OSBPL1A: variants seen among roughly 807,000 people sequenced by gnomAD.
OSBPL1A encodes oxysterol binding protein like 1A, also known as oxysterol-binding protein-related protein 1.
Under a neutral mutation model 137.1 loss-of-function variants are expected in OSBPL1A, and 80 were observed. That is an observed-to-expected ratio of 0.58 (90% confidence interval 0.49 to 0.70). The LOEUF (loss-of-function observed/expected upper bound fraction) is 0.70. Ranked by LOEUF, OSBPL1A falls within the 30% of genes least tolerant of loss-of-function variation. OSBPL1A has a pLI of 0.00. For synonymous variants in OSBPL1A, 365 were observed against 389.7 expected (o/e 0.94, Z 0.75); for missense variants, 970 against 1,129.4 (o/e 0.86, Z 2.02).
intron 15 of OSBPL1A, among the ~76,000 whole-genome samples, chr18:24,251,117 A>C (rs2089076634): frequency 6.6e-6 from 1 of 152,182 alleles, no homozygotes; most frequent in African/African-American, 2.4e-5. Context: ...CAAATTTCTA[A>C]GGTTTTTGAT....
At chr18:24,242,234 T>C (rs1258358266) in intron 15 of OSBPL1A, among the ~76,000 whole-genome samples, 1 of 151,354 alleles carries the variant, frequency 6.6e-6, no homozygotes, top group Non-Finnish European at 1.5e-5. Context: ...ATGGCACATA[T>C]ATATATATGC....
At chr18:24,199,051 G>A (rs1869435147) in intron 17 of OSBPL1A, among the ~76,000 whole-genome samples, 2 of 151,932 alleles carry the variant, frequency 1.3e-5, no homozygotes, top group South Asian at 4.2e-4. Flanking sequence ...TAAAGATAGG[G>A]TTTCACCATG....
chr18:24,304,196 T>C (rs751658349), intron 13 of OSBPL1A, among the ~76,000 whole-genome samples: 1 of 152,220 alleles, frequency 6.6e-6, no homozygotes, highest in Non-Finnish European at 1.5e-5. Flanking sequence ...TCTAAGTGCA[T>C]ACAGCCCCCA....
intron 11 of OSBPL1A, among the ~76,000 whole-genome samples, chr18:24,315,185 G>A (rs973703310): frequency 6.6e-6 from 1 of 152,158 alleles, no homozygotes; most frequent in African/African-American, 2.4e-5. Flanking sequence ...TTGCACCTGG[G>A]ACTAAGCACA....
rs566704462 is a variant in OSBPL1A, at chr18:24,224,030, C to T, written c.1601+1012G>A. Among the ~76,000 whole-genome samples, 13 of 152,260 alleles carry T rather than the reference C, an allele frequency of 8.5e-5. No individual in the cohort carries two copies. In the South Asian group the frequency reaches 2.7e-3, roughly 32 times the overall value. ...CGGGAAAGACACTCACTGCTGGACACATAATTTGCAATTATAAGCATGTTT... is the reference window on the plus strand; with the variant it reads ...CGGGAAAGACACTCACTGCTGGACATATAATTTGCAATTATAAGCATGTTT... On this transcript the variant is annotated intron_variant, in intron 17 of 27. Coordinates refer to ENST00000319481, the MANE Select transcript of OSBPL1A (RefSeq NM_080597.4).
intron 11 of OSBPL1A, among the ~76,000 whole-genome samples, chr18:24,316,260 CA>C (rs1322010033): frequency 6.6e-6 from 1 of 151,426 alleles, no homozygotes; most frequent in African/African-American, 2.4e-5. Context: ...GATTCCATCT[CA>C]AAAAAACAGA....
chr18:24,388,464 G>T (rs866829351), intron 1 of OSBPL1A, among the ~76,000 whole-genome samples: 7 of 149,496 alleles, frequency 4.7e-5, no homozygotes, highest in Non-Finnish European at 7.4e-5. Context: ...AAAATTAACA[G>T]TTTTTTTTTT....
In OSBPL1A at chr18:24,204,371, G is replaced by A. The variant is rs146677258; in HGVS notation, c.1602-8171C>T. 6.5e-3 allele frequency among the ~76,000 whole-genome samples: 993 copies of A among 152,114 alleles called. 8 individuals carry two copies. The highest frequency in any genetic ancestry group is 0.023 in the African/African-American group (953 of 41,492). On this transcript the variant is annotated intron_variant, in intron 17 of 27. Transcript: ENST00000319481. ...GCCTATTTATAACATCTATACCGCT[G>A]GATTTTTTTGTTATTTAGTAAGAAT...
intron 7 of OSBPL1A, among the ~76,000 whole-genome samples, chr18:24,329,321 G>A (rs2091034867): frequency 6.6e-6 from 1 of 151,978 alleles, no homozygotes; most frequent in Admixed American, 6.6e-5. Flanking sequence ...AGGCTGAGGC[G>A]GGCGGGTCAC....
At chr18:24,315,762 T>C (rs1233248766) in intron 11 of OSBPL1A, among the ~76,000 whole-genome samples, 5 of 119,542 alleles carry the variant, frequency 4.2e-5, no homozygotes, top group Non-Finnish European at 8.1e-5. Flanking sequence ...TAATATATAG[T>C]ATATATTATA....
Position 24,281,263 on chromosome 18 carries a change from T to A in OSBPL1A, c.1175-315A>T, listed in dbSNP as rs576168310. Among the ~76,000 whole-genome samples the A allele has an allele frequency of 2.0e-5, 3 of 152,022 alleles. No homozygotes were observed. The South Asian group carries it at 6.3e-4, about 32-fold the overall frequency. The stretch of plus-strand genomic sequence containing the variant: ...ACCACGCCCAGCTAATTTTTGTATT[T>A]TTAGTAGAGACGGGGATTCACCATA... On this transcript the variant is annotated intron_variant, in intron 14 of 27. Transcript: ENST00000319481.
At chr18:24,273,723 TATA>T (rs1172536388) in intron 15 of OSBPL1A, among the ~76,000 whole-genome samples, 2 of 152,196 alleles carry the variant, frequency 1.3e-5, no homozygotes, top group African/African-American at 4.8e-5. Context: ...TTTGTGAATA[TATA>T]ATGATACAAT....
At chr18:24,212,490 C>T (rs962311017) in intron 17 of OSBPL1A, among the ~76,000 whole-genome samples, 6 of 152,158 alleles carry the variant, frequency 3.9e-5, no homozygotes, top group Non-Finnish European at 8.8e-5. Flanking sequence ...ACATACTCAT[C>T]TTTAGTAGTT....
At chr18:24,250,170 G>GT (rs1567975444) in intron 15 of OSBPL1A, among the ~76,000 whole-genome samples, 2 of 51,144 alleles carry the variant, frequency 3.9e-5, no homozygotes, top group Non-Finnish European at 8.6e-5. Context: ...TTGTTTGTTT[G>GT]TTTGTTTGTT....
At chr18:24,294,775 C>T (rs1317261192) in intron 14 of OSBPL1A, among the ~76,000 whole-genome samples, 1 of 152,134 alleles carries the variant, frequency 6.6e-6, no homozygotes. Flanking sequence ...AGTAGTATTC[C>T]ATGTTGTATA....
chr18:24,285,231 C>G (rs1354979056), intron 14 of OSBPL1A, among the ~76,000 whole-genome samples: 1 of 152,142 alleles, frequency 6.6e-6, no homozygotes, highest in South Asian at 2.1e-4. Context: ...AAACACCAAG[C>G]TTTGCCAAAA....
At chr18:24,252,132 G>GA (rs1218915209) in intron 15 of OSBPL1A, among the ~76,000 whole-genome samples, 1 of 152,172 alleles carries the variant, frequency 6.6e-6, no homozygotes, top group Non-Finnish European at 1.5e-5. Context: ...AGGAGGTAGA[G>GA]AAAGAGGGGT....
rs559615345 is a variant in OSBPL1A, at chr18:24,263,980, G to GA, written c.1281+16861dup. ...AACTATTTACTTAATACTACTTGCA[G>GA]AAAAAAATCCCAAAATGTAGTCAGC... On this transcript the variant is annotated intron_variant, in intron 15 of 27. Transcript: ENST00000319481. Among the ~76,000 whole-genome samples the GA allele has an allele frequency of 1.3e-4, 20 of 152,102 alleles. No homozygotes were observed. In the South Asian group the frequency reaches 2.9e-3, roughly 22 times the overall value.
At chr18:24,331,681 C>T (rs988391411) in intron 7 of OSBPL1A, among the ~76,000 whole-genome samples, 3 of 150,828 alleles carry the variant, frequency 2.0e-5, no homozygotes, top group Non-Finnish European at 4.4e-5. Flanking sequence ...CAGGCATGAG[C>T]CACCGCGCCC....
Sources: allele counts gnomAD v4.1 joint callset (sites outside exome capture counted in the v4.1 genomes callset), GRCh38; gene constraint gnomAD v4.1.1; transcripts MANE v1.5; gene names NCBI Gene and HGNC (gene_info 2026-07-23, HGNC 2026-07-21).